The following RAPGEF6 variants were observed in gnomAD, a reference collection of about 807,000 sequenced individuals.
The protein encoded by RAPGEF6 is Rap guanine nucleotide exchange factor 6.
Under a neutral mutation model 171.4 loss-of-function variants are expected in RAPGEF6, and 56 were observed. The ratio of observed to expected loss-of-function variants is 0.33; its 90% CI spans 0.26 to 0.41. The LOEUF (loss-of-function observed/expected upper bound fraction) is 0.41. Among genes scored for constraint, RAPGEF6 ranks in the 10% least tolerant of loss-of-function variants. The pLI, the probability that RAPGEF6 is intolerant of heterozygous loss-of-function variation, is 1.00. For missense variants in RAPGEF6, 1,674 were observed against 1,921.4 expected (o/e 0.87, Z 2.41); for synonymous variants, 692 against 650.1 (o/e 1.06, Z -0.98).
intron 1 of RAPGEF6, among the ~76,000 whole-genome samples, chr5:131,623,751 C>T (rs1465490006): frequency 6.6e-6 from 1 of 152,122 alleles, no homozygotes. Flanking sequence ...TCCCAAAGTG[C>T]TGGGATTACA....
chr5:131,563,886 A>C (rs948540296), intron 4 of RAPGEF6, among the ~76,000 whole-genome samples: 3 of 152,174 alleles, frequency 2.0e-5, no homozygotes, highest in African/African-American at 7.2e-5. Context: ...TTAAAAAAGC[A>C]AATCTGTAAA....
intron 16 of RAPGEF6, among the ~76,000 whole-genome samples, chr5:131,476,811 C>T (rs1042074142): frequency 6.6e-6 from 1 of 152,154 alleles, no homozygotes; most frequent in African/African-American, 2.4e-5. Flanking sequence ...GGATAACAGG[C>T]GTGAGGCACC....
chr5:131,612,739 A>G (rs577446656), intron 1 of RAPGEF6, among the ~76,000 whole-genome samples: 11 of 152,350 alleles, frequency 7.2e-5, no homozygotes, highest in African/African-American at 2.6e-4. Flanking sequence ...TGGGTAGGCT[A>G]GTGTTACAGG....
rs3058508 is a variant in RAPGEF6 at position 131,585,289 on chromosome 5, TATACATACATACATAC to T, written c.281+7078_281+7093del. 2.7e-3 allele frequency among the ~76,000 whole-genome samples: 371 copies of T among 135,034 alleles called. 5 individuals are homozygous for T. Among genetic ancestry groups the T allele is most frequent in the Non-Finnish European group, 4.8e-3 (307 of 64,176 alleles). 88.6% of individuals were successfully genotyped at this position (135,034 alleles called of 152,430 possible). On this transcript the variant is annotated intron_variant, in intron 4 of 27. Coordinates refer to ENST00000509018, the MANE Select transcript of RAPGEF6 (RefSeq NM_016340.6). ...CTAGAAAATAAGAAAAAAAAAAAAC[TATACATACATACATAC>T]ATACATACATACATACATACATACA...
intron 6 of RAPGEF6, among the ~76,000 whole-genome samples, chr5:131,547,599 T>C (rs567511386): frequency 2.7e-4 from 41 of 151,054 alleles, no homozygotes; most frequent in Non-Finnish European, 5.2e-4. Context: ...AACCTCTGCC[T>C]CCTGGGTTCA....
intron 1 of RAPGEF6, among the ~76,000 whole-genome samples, chr5:131,616,435 C>A (rs1241137073): frequency 1.3e-5 from 2 of 152,072 alleles, no homozygotes; most frequent in African/African-American, 4.8e-5. Context: ...CCTTAGTTTA[C>A]AATGTTATGC....
intron 25 of RAPGEF6, among the ~76,000 whole-genome samples, chr5:131,432,500 C>A (rs1324394127): frequency 3.9e-5 from 6 of 152,218 alleles, no homozygotes; most frequent in Non-Finnish European, 4.4e-5. Flanking sequence ...CGCCTGTAGT[C>A]CCAGCTACTC....
chr5:131,509,496 T>C (rs576928062), intron 8 of RAPGEF6, among the ~76,000 whole-genome samples: 4 of 151,868 alleles, frequency 2.6e-5, no homozygotes, highest in South Asian at 2.1e-4. Flanking sequence ...TGAGCCAAGA[T>C]TGCGCCACTG....
At chr5:131,449,032 T>C (rs1335351269) in intron 21 of RAPGEF6, among the ~76,000 whole-genome samples, 1 of 152,116 alleles carries the variant, frequency 6.6e-6, no homozygotes, top group Non-Finnish European at 1.5e-5. Flanking sequence ...AAGACTCGAA[T>C]AAAGAAGGTG....
intron 15 of RAPGEF6, 134 bp from the exon 16 acceptor site, chr5:131,479,887 T>A: frequency 3.4e-6 from 3 of 887,272 alleles, no homozygotes; most frequent in South Asian, 1.8e-5. Flanking sequence ...CTAAACACTG[T>A]CAAGTATTTA....
chr5:131,516,418 C>G (rs763925888), intron 7 of RAPGEF6, among the ~76,000 whole-genome samples: 1 of 152,084 alleles, frequency 6.6e-6, no homozygotes, highest in Non-Finnish European at 1.5e-5. Flanking sequence ...AAAGAACATA[C>G]TGGTGAAAAC....
chr5:131,568,522 G>A (rs933398394), intron 4 of RAPGEF6, among the ~76,000 whole-genome samples: 3 of 152,010 alleles, frequency 2.0e-5, no homozygotes, highest in African/African-American at 4.8e-5. Context: ...GTCTCCCTAT[G>A]TTGACAAGCA....
intron 11 of RAPGEF6, among the ~76,000 whole-genome samples, chr5:131,501,388 T>G (rs967216200): frequency 6.6e-6 from 1 of 151,800 alleles, no homozygotes; most frequent in African/African-American, 2.4e-5. Flanking sequence ...AAAAGATGGT[T>G]ATGATTTGCA....
intron 16 of RAPGEF6, among the ~76,000 whole-genome samples, chr5:131,476,072 T>G (rs568501327): frequency 6.6e-6 from 1 of 152,336 alleles, no homozygotes; most frequent in Non-Finnish European, 1.5e-5. Context: ...AAATTACCTA[T>G]GAAACTATGC....
chr5:131,439,433 T>C (rs1455874719), intron 24 of RAPGEF6, 148 bp downstream of exon 24: 7 of 1,357,186 alleles, frequency 5.2e-6, no homozygotes, highest in Non-Finnish European at 5.8e-6. Context: ...ATCTGAATAA[T>C]GCAATACAAA....
chr5:131,581,728 G>A (rs1762973327), intron 4 of RAPGEF6, among the ~76,000 whole-genome samples: 1 of 151,996 alleles, frequency 6.6e-6, no homozygotes, highest in Admixed American at 6.6e-5. Flanking sequence ...TCTGAGCTGG[G>A]CACACCATGG....
chr5:131,606,313 G>A (rs1193272383), intron 1 of RAPGEF6, among the ~76,000 whole-genome samples: 2 of 147,354 alleles, frequency 1.4e-5, no homozygotes, highest in Non-Finnish European at 3.0e-5. Flanking sequence ...GCAGTGAGCC[G>A]AGATCGCACC....
rs1436560460 is a variant in RAPGEF6, at chr5:131,492,870, A to C, written c.1528-85T>G. On this transcript the variant is annotated intron_variant, in intron 13 of 27. Transcript: ENST00000509018. ...AGTCAACGAAAATTATTAGAATTAG[A>C]GTTATAAATATACATGTATAAGCTG... is the stretch of plus-strand genomic sequence containing the variant. 12 of 1,296,218 alleles carry C rather than the reference A, an allele frequency of 9.3e-6. No individual in the cohort carries two copies. The East Asian group carries it at 3.0e-4, about 33-fold the overall frequency. The allele number at this position is 1,296,218 out of a possible 1,614,324, so 80.3% of individuals were successfully genotyped here. A position where few individuals can be genotyped will look rare whatever the true frequency, so the allele number is the denominator to read the frequency against.
At chr5:131,463,081 T>C (rs1366870884) in intron 18 of RAPGEF6, among the ~76,000 whole-genome samples, 1 of 152,208 alleles carries the variant, frequency 6.6e-6, no homozygotes, top group African/African-American at 2.4e-5. Context: ...GTAGAGAAGC[T>C]ACATATGACT....
Sources: gnomAD v4.1 joint callset for allele counts (sites outside exome capture counted in the v4.1 genomes callset) on GRCh38, gnomAD v4.1.1 for gene constraint, MANE v1.5 for transcripts, NCBI Gene and HGNC (gene_info 2026-07-23, HGNC 2026-07-21) for gene names.